Variants in PRCP observed in about 807,000 individuals in gnomAD.
PRCP encodes the protein prolylcarboxypeptidase, also known as lysosomal Pro-X carboxypeptidase.
In PRCP, 46 loss-of-function variants were observed where a neutral mutation model predicts 54.2. That is an observed-to-expected ratio of 0.85 (90% CI 0.67 to 1.09). PRCP has a LOEUF of 1.09. Among genes scored for constraint, PRCP ranks in the 50% least tolerant of loss-of-function variants. The pLI is 0.00. For synonymous variants in PRCP, 240 were observed against 212.2 expected (o/e 1.13, Z -1.14); for missense variants, 613 against 596.8 (o/e 1.03, Z -0.28).
At chr11:82,862,054 C>T (rs910340591) in intron 1 of PRCP, among the ~76,000 whole-genome samples, 1 of 149,634 alleles carries the variant, frequency 6.7e-6, no homozygotes, top group Non-Finnish European at 1.5e-5. Context: ...AGTCAGTAAC[C>T]ATAATATGAC....
At chr11:82,855,925 A>C (rs1859072240) in intron 2 of PRCP, among the ~76,000 whole-genome samples, 1 of 152,246 alleles carries the variant, frequency 6.6e-6, no homozygotes, top group African/African-American at 2.4e-5. Context: ...TAGTTCAGCC[A>C]CTACGGAAAG....
chr11:82,845,467 C>T (rs1858786622), intron 6 of PRCP: 2 of 152,140 alleles, frequency 1.3e-5, no homozygotes, highest in Admixed American at 6.6e-5. Flanking sequence ...CAGATACATT[C>T]AGCTTTTCTA....
chr11:82,886,441 T>C (rs1022372171), intron 1 of PRCP, among the ~76,000 whole-genome samples: 23 of 152,238 alleles, frequency 1.5e-4, no homozygotes, highest in African/African-American at 5.3e-4. Context: ...CACACCACCA[T>C]GCCTGGCTAA....
intron 1 of PRCP, among the ~76,000 whole-genome samples, chr11:82,866,316 C>G (rs1302368445): frequency 6.6e-6 from 1 of 152,194 alleles, no homozygotes; most frequent in Non-Finnish European, 1.5e-5. Flanking sequence ...CGAAGATGCT[C>G]TCGTCATTGC....
chr11:82,837,409 G>T (rs1858554270), intron 8 of PRCP, among the ~76,000 whole-genome samples: 1 of 152,178 alleles, frequency 6.6e-6, no homozygotes. Context: ...TATATCCATT[G>T]CCTACTTTAA....
intron 1 of PRCP, among the ~76,000 whole-genome samples, chr11:82,874,064 G>A (rs1265115383): frequency 1.3e-5 from 2 of 152,104 alleles, no homozygotes; most frequent in African/African-American, 4.8e-5. Flanking sequence ...TGATAATGGC[G>A]CTGTAAAAAA....
chr11:82,850,558 TAGG>T, intron 3 of PRCP, 53 bp from the exon 4 acceptor site: 1 of 1,328,574 alleles, frequency 7.5e-7, no homozygotes, highest in South Asian at 1.9e-5. Context: ...AACAGCAGCT[TAGG>T]AATAGCATGG....
At chr11:82,900,626 G>C (rs745939484), upstream of PRCP, 10 of 691,626 alleles carry the variant, frequency 1.4e-5, no homozygotes, top group Admixed American at 6.1e-5. Context: ...CTTTCCTCTC[G>C]TGCCATCTGC....
At chr11:82,844,666 G>A (rs1165547672) in intron 6 of PRCP, among the ~76,000 whole-genome samples, 2 of 139,872 alleles carry the variant, frequency 1.4e-5, no homozygotes, top group Admixed American at 7.4e-5. Context: ...CCGGGAGGCA[G>A]AGGTTGCAGT....
intron 1 of PRCP, among the ~76,000 whole-genome samples, chr11:82,892,638 A>G (rs1424413048): frequency 6.6e-6 from 1 of 152,220 alleles, no homozygotes; most frequent in Non-Finnish European, 1.5e-5. Flanking sequence ...GTATCAATAA[A>G]TAAGTTCCTT....
chr11:82,879,953 A>G (rs534981971), intron 1 of PRCP, among the ~76,000 whole-genome samples: 1 of 152,292 alleles, frequency 6.6e-6, no homozygotes, highest in Admixed American at 6.5e-5. Context: ...CTTACTGGGA[A>G]GTGTCTCCCA....
intron 2 of PRCP, among the ~76,000 whole-genome samples, chr11:82,857,290 T>A (rs1057057238): frequency 2.0e-5 from 3 of 152,228 alleles, no homozygotes; most frequent in Non-Finnish European, 2.9e-5. Context: ...TTCATATGAA[T>A]TAATTCACTT....
intron 6 of PRCP, chr11:82,840,593 T>C (rs1029258667): frequency 1.3e-5 from 2 of 152,192 alleles, no homozygotes; most frequent in African/African-American, 4.8e-5. Flanking sequence ...CATTGTCCAA[T>C]TATTTTAACT....
chr11:82,856,477 T>G (rs1276156972), intron 2 of PRCP, among the ~76,000 whole-genome samples: 1 of 152,122 alleles, frequency 6.6e-6, no homozygotes, highest in African/African-American at 2.4e-5. Flanking sequence ...TGAATACACA[T>G]GGACACAAAG....
rs185666027 is a variant in PRCP, at chr11:82,876,674, T to C, written c.169-16557A>G. On this transcript the variant is annotated intron_variant, in intron 1 of 8. Transcript: ENST00000313010. ...TCCTCATTTTCTCTTGCCGCCACCA[T>C]GTAAGAAGCGCCTTTCACCTCCTGC... Among the ~76,000 whole-genome samples, 478 of 152,326 alleles carry C rather than the reference T, an allele frequency of 3.1e-3. 2 individuals carry two copies. Among genetic ancestry groups the C allele is most frequent in the African/African-American group, 0.011 (455 of 41,572 alleles).
intron 1 of PRCP, among the ~76,000 whole-genome samples, chr11:82,870,545 C>A (rs3750929): frequency 2.0e-5 from 3 of 152,056 alleles, no homozygotes; most frequent in African/African-American, 7.2e-5. Context: ...AGTTAAAATG[C>A]CTCTCATATA....
In PRCP at chr11:82,850,394, C is replaced by A. The variant is rs1449121974; in HGVS notation, c.523G>T (p.Ala175Ser). Residue 175 changes from alanine (A) to serine (S), a missense_variant, in exon 4 of 9, where the codon GCC (alanine) becomes TCC (serine). Transcript: ENST00000313010. ...IPGAENQPVI[A>S]IGGSYGGMLA... ...ATGCCACCATAGGAGCCTCCTATGG[C>A]AATGACAGGTTGATTTTCAGCTCCT... The A allele has an allele frequency of 6.2e-7, 1 of 1,604,112 alleles. No individual in the cohort carries two copies. The highest frequency in any genetic ancestry group is 2.3e-5 in the East Asian group (1 of 44,266).
intron 1 of PRCP, among the ~76,000 whole-genome samples, chr11:82,878,139 C>G (rs943033788): frequency 6.6e-6 from 1 of 152,202 alleles, no homozygotes; most frequent in African/African-American, 2.4e-5. Context: ...TGGCCAATCT[C>G]TCCCATTTGG....
intron 1 of PRCP, among the ~76,000 whole-genome samples, chr11:82,885,590 A>C (rs1859845050): frequency 6.6e-6 from 1 of 152,248 alleles, no homozygotes; most frequent in Non-Finnish European, 1.5e-5. Context: ...AAATAAGACC[A>C]GTCTCCAGGC....
Sources: allele counts gnomAD v4.1 joint callset (sites outside exome capture counted in the v4.1 genomes callset), GRCh38; gene constraint gnomAD v4.1.1; transcripts MANE v1.5; gene names NCBI Gene and HGNC (gene_info 2026-07-23, HGNC 2026-07-21).